MIEF1: variants seen among roughly 807,000 people sequenced by gnomAD.
MIEF1 encodes the protein mitochondrial dynamics protein MIEF1.
Under a neutral mutation model 35.1 loss-of-function variants are expected in MIEF1, and 14 were observed. The observed-to-expected ratio is 0.40, with a 90% CI of 0.26 to 0.62. The LOEUF is 0.62. Among genes scored for constraint, MIEF1 ranks in the 20% least tolerant of loss-of-function variants. The pLI, the probability that MIEF1 is intolerant of heterozygous loss-of-function variation, is 0.43. For missense variants in MIEF1, 542 were observed against 615.4 expected, an observed-to-expected ratio of 0.88 and a Z score of 1.26; for synonymous variants, 245 against 254.3, an observed-to-expected ratio of 0.96 and a Z score of 0.35.
Position 39,511,429 on chromosome 22 carries a change from A to T in MIEF1, c.135A>T (p.Ala45=), listed in dbSNP as rs531847504. Residue 45 remains alanine (A), a synonymous_variant, in exon 3 of 6, where the codon GCA becomes GCT. Transcript: ENST00000325301. ...GAAMLGIATL[A]VKRMYDRAIS... ...CCATGCTGGGCATCGCCACGCTGGC[A>T]GTTAAGCGGGTAAGTGCATGCAGCC... 3 of 1,576,854 alleles carry T rather than the reference A, an allele frequency of 1.9e-6. No individual in the cohort carries two copies. The South Asian group carries it at 3.4e-5, about 18-fold the overall frequency.
At chr22:39,511,072 C>G (rs1440192840) in intron 2 of MIEF1, among the ~76,000 whole-genome samples, 2 of 152,158 alleles carry the variant, frequency 1.3e-5, no homozygotes, top group East Asian at 3.8e-4. Flanking sequence ...GAAAGTTTTC[C>G]TACAATACCC....
chr22:39,508,392 G>T (rs1290376644), intron 2 of MIEF1, among the ~76,000 whole-genome samples: 1 of 152,222 alleles, frequency 6.6e-6, no homozygotes, highest in Non-Finnish European at 1.5e-5. Flanking sequence ...TGAGTGAGGA[G>T]GTGCCCTTCT....
chr22:39,501,136 C>T (rs1036078980), upstream of MIEF1, among the ~76,000 whole-genome samples: 9 of 152,202 alleles, frequency 5.9e-5, no homozygotes, highest in Non-Finnish European at 8.8e-5. Flanking sequence ...CCTTTGCACC[C>T]GCCATCTCCC....
rs569147988 is a variant in MIEF1 at position 39,516,790 on chromosome 22, A to G, written c.*2467A>G. The G allele has an allele frequency of 1.3e-5, 2 of 152,390 alleles. No individual in the cohort carries two copies. Among genetic ancestry groups the G allele is most frequent in the South Asian group, 4.1e-4 (2 of 4,830 alleles). The allele number at this position is 152,390 out of a possible 1,614,324, so 9.4% of individuals were successfully genotyped here. On this transcript the variant is annotated 3_prime_UTR_variant, in exon 6 of 6. Coordinates refer to ENST00000325301, the MANE Select transcript of MIEF1 (RefSeq NM_019008.6). ...TTAAGTTGAGTGTAATTGTCATTTA[A>G]GGAAGGCAAATGAGTTTATCATCCT...
At position 39,515,466 on chromosome 22, in the gene MIEF1, T is replaced by A. The variant is rs138228902; in HGVS notation, c.*1143T>A. 4.6e-5 allele frequency: 30 copies of A among 653,610 alleles called. No homozygotes were observed. The highest frequency in any genetic ancestry group is 8.2e-5 in the Non-Finnish European group (29 of 355,212). The allele number at this position is 653,610 out of a possible 1,614,324, so 40.5% of individuals were successfully genotyped here. On this transcript the variant is annotated 3_prime_UTR_variant, in exon 6 of 6. Transcript: ENST00000325301. ...TGTGAGAGGGGTGTTTGCTGAGCGC[T>A]CCGGGCACGGCCAGAGGGCAAGTGA...
chr22:39,504,000 C>T, intron 1 of MIEF1: 1 of 374,408 alleles, frequency 2.7e-6, no homozygotes, highest in Non-Finnish European at 4.7e-6. Context: ...AGGATTTGAG[C>T]CCTGGTGAAC....
intron 2 of MIEF1, among the ~76,000 whole-genome samples, chr22:39,510,509 G>A (rs927863919): frequency 1.6e-4 from 24 of 152,124 alleles, no homozygotes; most frequent in African/African-American, 5.3e-4. Context: ...GGCCACAAGC[G>A]ATCTTCCCAC....
At chr22:39,509,544 C>T (rs75911208) in intron 2 of MIEF1, 5,912 of 152,358 alleles carry the variant, frequency 0.039, 177 homozygotes, top group Non-Finnish European at 0.057. Context: ...CCAGCCTCTT[C>T]GCTGTGGTGC....
rs369335325 is a variant in MIEF1, at chr22:39,511,890, C to A, written c.186C>A (p.Arg62=). The A allele has an allele frequency of 1.2e-6, 2 of 1,614,240 alleles. No homozygotes were observed. The change falls in exon 4 of 6, where the codon CGC becomes CGA. Residue 62 remains arginine, a synonymous_variant. Coordinates refer to ENST00000325301, the MANE Select transcript of MIEF1 (RefSeq NM_019008.6). ...RAISAPTSPT[R]LSHSGKRSWE... is the part of the protein sequence containing the mutation. ...TCAGTGCCCCTACCAGCCCCACCCG[C>A]CTGAGCCATTCGGGGAAAAGGAGCT...
rs1930582888 is a variant in MIEF1, at chr22:39,514,998, G to T, written c.*675G>T. On this transcript the variant is annotated 3_prime_UTR_variant, in exon 6 of 6. Coordinates refer to ENST00000325301, the MANE Select transcript of MIEF1 (RefSeq NM_019008.6). ...GGGAACACTGTTAATGACCCACACA[G>T]GATAAGCTGAATGCAAAGTTATTTG... 1.9e-6 allele frequency: 1 copy of T among 530,962 alleles called. No homozygotes were observed. 32.9% of individuals were successfully genotyped at this position (530,962 alleles called of 1,614,324 possible). A position where few individuals can be genotyped will look rare whatever the true frequency, so the allele number is the denominator to read the frequency against.
intron 2 of MIEF1, chr22:39,509,535 C>T (rs1452404125): frequency 6.6e-6 from 1 of 152,312 alleles, no homozygotes; most frequent in Non-Finnish European, 1.5e-5. Flanking sequence ...CACTGGAGGC[C>T]AGCCTCTTCG....
In MIEF1 at chr22:39,504,365, A is replaced by G. The variant is rs1442425430; in HGVS notation, c.-177A>G. 5.0e-6 allele frequency: 2 copies of G among 398,952 alleles called. No homozygotes were observed. Among genetic ancestry groups the G allele is most frequent in the African/African-American group, 4.1e-5 (2 of 48,608 alleles). The allele number at this position is 398,952 out of a possible 1,614,324, so 24.7% of individuals were successfully genotyped here. On this transcript the variant is annotated 5_prime_UTR_variant, in exon 2 of 6. Transcript: ENST00000325301. ...GTGAATTCCGAAAAAATCAGAAGCT[A>G]GAGGACGCTGAGGCCCGGGAGAGGC... is the stretch of plus-strand genomic sequence containing the variant.
chr22:39,504,762 CAG>C, intron 2 of MIEF1: 1 of 205,206 alleles, frequency 4.9e-6, no homozygotes, highest in Non-Finnish European at 9.6e-6. Context: ...GGCTGGGTGA[CAG>C]AATGAGACCC....
intron 2 of MIEF1, among the ~76,000 whole-genome samples, chr22:39,507,460 T>A (rs1011937526): frequency 4.0e-5 from 6 of 151,888 alleles, no homozygotes; most frequent in Non-Finnish European, 5.9e-5. Flanking sequence ...TTAGCCAGGA[T>A]GGTCTCGATC....
In MIEF1 at chr22:39,515,443, TGA is replaced by T; in HGVS notation, c.*1124_*1125del. The T allele has an allele frequency of 3.0e-6, 2 of 677,394 alleles. No individual in the cohort carries two copies. The highest frequency in any genetic ancestry group is 2.7e-5 in the East Asian group (1 of 37,052). 42.0% of individuals were successfully genotyped at this position (677,394 alleles called of 1,614,324 possible). On this transcript the variant is annotated 3_prime_UTR_variant, in exon 6 of 6. Coordinates refer to ENST00000325301, the MANE Select transcript of MIEF1 (RefSeq NM_019008.6). ...TCCTCCAGCGTCTGCCATAGGAATG[TGA>T]GAGGGGTGTTTGCTGAGCGCTCCGG...
intron 2 of MIEF1, 181 bp downstream of exon 2, chr22:39,504,715 A>G (rs963847010): frequency 1.7e-4 from 44 of 260,734 alleles, no homozygotes; most frequent in Middle Eastern, 2.1e-3. Context: ...CAGGAGGTTG[A>G]GGCTGCAGTG....
Position 39,512,280 on chromosome 22 carries a change from T to C in MIEF1, c.371T>C (p.Val124Ala). ...AAGCCAGTGGCCAGGAAGGGCCAGG[T>C]AGACTTGAAGAAGTCACGACTCCGC... ...RPKPVARKGQ[V>A]DLKKSRLRMS... is the part of the protein sequence containing the mutation. The change falls in exon 5 of 6, where the codon GTA (valine) becomes GCA (alanine). Residue 124 changes from valine (V) to alanine (A), a missense_variant. Val to Ala is a moderately conservative substitution (Grantham distance 64, BLOSUM62 0). Transcript: ENST00000325301. 1 of 1,614,036 alleles carries C rather than the reference T, an allele frequency of 6.2e-7. No homozygotes were observed. Among genetic ancestry groups the C allele is most frequent in the Non-Finnish European group, 8.5e-7 (1 of 1,180,012 alleles).
rs1930523268 is a variant in MIEF1 at position 39,514,066 on chromosome 22, C to T, written c.1135C>T (p.His379Tyr). The change falls in exon 6 of 6, where the codon CAC becomes TAC. Residue 379 changes from histidine to tyrosine, a missense_variant. Physicochemically the swap from His to Tyr is moderately conservative, Grantham distance 83 (BLOSUM62 2). Coordinates refer to ENST00000325301, the MANE Select transcript of MIEF1 (RefSeq NM_019008.6). ...ATGCAAGTCCACCCCGGCTCTGGGC[C>T]ACCTCACTGCCAGCCAGCTAACCAA... ...AICKSTPALG[H>Y]LTASQLTNVI... 2 of 1,614,124 alleles carry T rather than the reference C, an allele frequency of 1.2e-6. No homozygotes were observed. The highest frequency in any genetic ancestry group is 1.3e-5 in the African/African-American group (1 of 75,058).
intron 2 of MIEF1, among the ~76,000 whole-genome samples, chr22:39,509,734 C>G (rs1930237018): frequency 6.6e-6 from 1 of 152,186 alleles, no homozygotes; most frequent in Non-Finnish European, 1.5e-5. Context: ...TCTCAAGAAA[C>G]AAAGCATTTG....
Sources: allele counts gnomAD v4.1 joint callset (sites outside exome capture counted in the v4.1 genomes callset), GRCh38; gene constraint gnomAD v4.1.1; transcripts MANE v1.5; gene names NCBI Gene and HGNC (gene_info 2026-07-23, HGNC 2026-07-21).